The following GALNT18 variants were observed in gnomAD, a reference collection of about 807,000 sequenced individuals.
GALNT18 encodes GalNAc-transferase 18.
A neutral mutation model predicts 69.5 loss-of-function variants in GALNT18; 44 were observed. The ratio of observed to expected loss-of-function variants is 0.63; its 90% CI spans 0.50 to 0.81. The LOEUF is 0.81. Ranked by LOEUF, GALNT18 falls within the 40% of genes least tolerant of loss-of-function variation. GALNT18 has a pLI of 0.00. For synonymous variants in GALNT18, 364 were observed against 318.2 expected, an observed-to-expected ratio of 1.14 and a Z score of -1.53; for missense variants, 715 against 810.0, an observed-to-expected ratio of 0.88 and a Z score of 1.42.
intron 6 of GALNT18, among the ~76,000 whole-genome samples, chr11:11,362,723 T>C (rs559374052): frequency 1.3e-5 from 2 of 152,178 alleles, no homozygotes; most frequent in Non-Finnish European, 2.9e-5. Context: ...ACCTTCATCA[T>C]TCCTGGTGGG....
At chr11:11,547,594 C>G (rs537614188) in intron 1 of GALNT18, among the ~76,000 whole-genome samples, 3 of 152,164 alleles carry the variant, frequency 2.0e-5, no homozygotes, top group African/African-American at 7.2e-5. Context: ...AGAAAGACAA[C>G]GAGAGTTAAG....
At position 11,563,590 on chromosome 11, in the gene GALNT18, T is replaced by C. The variant is rs1227231672; in HGVS notation, c.235+57769A>G. Among the ~76,000 whole-genome samples the C allele has an allele frequency of 6.6e-6, 1 of 152,198 alleles. No individual in the cohort carries two copies. The highest frequency in any genetic ancestry group is 1.5e-5 in the Non-Finnish European group (1 of 68,046). Reference sequence around the variant, plus strand: ...CTGTATCATCTCATCTGACTATCACTCCATCCTCATGTCACAAGTGAGGAA... The same window carrying C: ...CTGTATCATCTCATCTGACTATCACCCCATCCTCATGTCACAAGTGAGGAA... On this transcript the variant is annotated intron_variant, in intron 1 of 10. Coordinates refer to ENST00000227756, the MANE Select transcript of GALNT18 (RefSeq NM_198516.3). The surrounding 1 kb of genome is among the most constrained non-coding windows in gnomAD (Gnocchi z 4.6).
intron 5 of GALNT18, among the ~76,000 whole-genome samples, chr11:11,373,040 G>T (rs763237231): frequency 6.6e-6 from 1 of 152,142 alleles, no homozygotes; most frequent in Non-Finnish European, 1.5e-5. Context: ...GTCATCCTTG[G>T]TCTACTTAGA....
intron 1 of GALNT18, among the ~76,000 whole-genome samples, chr11:11,501,049 C>G (rs1189734421): frequency 6.6e-6 from 1 of 152,212 alleles, no homozygotes; most frequent in Non-Finnish European, 1.5e-5. Flanking sequence ...TGGGCAGCAC[C>G]TCTGAGACGC....
rs1424360223 is a variant in GALNT18, at chr11:11,543,644, C to T, written c.235+77715G>A. ...TTCAGTGCCCAGCACATCAGAGCCT[C>T]TGTTCCTCCCCTCGCCACCCACTGA... On this transcript the variant is annotated intron_variant, in intron 1 of 10. Coordinates refer to ENST00000227756, the MANE Select transcript of GALNT18 (RefSeq NM_198516.3). This position sits in a 1 kb window ranked among gnomAD's most constrained non-coding sequence, Gnocchi z 5.1. 2.0e-5 allele frequency among the ~76,000 whole-genome samples: 3 copies of T among 152,242 alleles called. No homozygotes were observed. The highest frequency in any genetic ancestry group is 7.2e-5 in the African/African-American group (3 of 41,462).
chr11:11,352,947 T>A (rs762611928), intron 6 of GALNT18: 1 of 1,614,224 alleles, frequency 6.2e-7, no homozygotes, highest in Non-Finnish European at 8.5e-7. Flanking sequence ...ATTTGTGATG[T>A]TGATGGCTTC....
chr11:11,337,671 A>T lies in GALNT18; in HGVS notation c.1278+3148T>A, dbSNP rs1850136076. 6.6e-6 allele frequency among the ~76,000 whole-genome samples: 1 copy of T among 152,074 alleles called. No individual in the cohort carries two copies. Among genetic ancestry groups the T allele is most frequent in the Admixed American group, 6.6e-5 (1 of 15,262 alleles). Reference sequence around the variant, plus strand: ...GGAGCTGAGTCTCAAAGGATGGGGAAGATTTAGTAGGGGTGGTCATACAGG... The same window carrying T: ...GGAGCTGAGTCTCAAAGGATGGGGATGATTTAGTAGGGGTGGTCATACAGG... On this transcript the variant is annotated intron_variant, in intron 7 of 10. Transcript: ENST00000227756. This position sits in a 1 kb window ranked among gnomAD's most constrained non-coding sequence, Gnocchi z 4.9.
In GALNT18 at chr11:11,358,574, G is replaced by C. The variant is rs191530045; in HGVS notation, c.1092+13941C>G. Among the ~76,000 whole-genome samples the C allele has an allele frequency of 6.4e-5, 9 of 140,254 alleles. 4 individuals carry two copies. The highest frequency in any genetic ancestry group is 3.5e-4 in the Admixed American group (5 of 14,088). 92.0% of individuals were successfully genotyped at this position (140,254 alleles called of 152,430 possible). On this transcript the variant is annotated intron_variant, in intron 6 of 10. Coordinates refer to ENST00000227756, the MANE Select transcript of GALNT18 (RefSeq NM_198516.3). ...AAGGGAACAGATGGACAATGACTCA[G>C]CTAAGGCTTTGGGTCATTGGGAAAA...
intron 1 of GALNT18, among the ~76,000 whole-genome samples, chr11:11,481,373 G>C (rs747503431): frequency 7.2e-5 from 11 of 152,154 alleles, no homozygotes; most frequent in Non-Finnish European, 1.5e-4. Flanking sequence ...TTGAGCTCAA[G>C]AAGGAGATGA....
intron 1 of GALNT18, among the ~76,000 whole-genome samples, chr11:11,478,058 T>C (rs1486377719): frequency 6.6e-6 from 1 of 152,210 alleles, no homozygotes; most frequent in Non-Finnish European, 1.5e-5. Context: ...GCAAAACAAA[T>C]CTATATTTGG....
chr11:11,346,236 A>G (rs1254833699), intron 6 of GALNT18, among the ~76,000 whole-genome samples: 3 of 152,198 alleles, frequency 2.0e-5, no homozygotes, highest in African/African-American at 7.2e-5. Context: ...AGTGCCATGG[A>G]AACAGGATCG....
At chr11:11,342,901 A>AT (rs746486602) in intron 6 of GALNT18, among the ~76,000 whole-genome samples, 3 of 152,216 alleles carry the variant, frequency 2.0e-5, no homozygotes, top group Non-Finnish European at 4.4e-5. Context: ...AAATTAAAGC[A>AT]ATTACATGCA....
At chr11:11,398,699 T>G (rs17437465) in intron 3 of GALNT18, among the ~76,000 whole-genome samples, 16,921 of 152,234 alleles carry the variant, frequency 0.11, 1,079 homozygotes, top group Non-Finnish European at 0.13. Flanking sequence ...TAGGAAGTTT[T>G]GATATGGAGA....
At chr11:11,276,949 C>A (rs1037772184) in intron 10 of GALNT18, among the ~76,000 whole-genome samples, 18 of 152,136 alleles carry the variant, frequency 1.2e-4, no homozygotes, top group Non-Finnish European at 2.1e-4. Flanking sequence ...TGATGTTCAT[C>A]AGGGATATTG....
intron 2 of GALNT18, among the ~76,000 whole-genome samples, chr11:11,438,745 C>G (rs991038008): frequency 6.6e-6 from 1 of 152,072 alleles, no homozygotes; most frequent in African/African-American, 2.4e-5. Context: ...GAGCGAGGGG[C>G]GAAATGAAGG....
intron 2 of GALNT18, among the ~76,000 whole-genome samples, chr11:11,434,802 G>A (rs752483600): frequency 2.0e-5 from 3 of 152,088 alleles, no homozygotes; most frequent in Admixed American, 1.3e-4. Flanking sequence ...AAGCTCATCG[G>A]ATCTTTTTCA....
rs949693774 is a variant in GALNT18, at chr11:11,595,311, C to G, written c.235+26048G>C. On this transcript the variant is annotated intron_variant, in intron 1 of 10. Transcript: ENST00000227756. The surrounding 1 kb of genome is among the most constrained non-coding windows in gnomAD (Gnocchi z 5.2). ...CTTTTTATAAAGAGGGCTCAGGGAG[C>G]TAGTTAGCCCCTTTTACCATGTGAG... is the stretch of plus-strand genomic sequence containing the variant. 2.0e-5 allele frequency among the ~76,000 whole-genome samples: 3 copies of G among 152,078 alleles called. No homozygotes were observed. The highest frequency in any genetic ancestry group is 7.2e-5 in the African/African-American group (3 of 41,402).
intron 1 of GALNT18, among the ~76,000 whole-genome samples, chr11:11,570,505 C>T (rs1029094731): frequency 2.0e-5 from 3 of 152,236 alleles, no homozygotes; most frequent in Admixed American, 2.0e-4. Context: ...CCATAACATA[C>T]TTTCTTTTCC....
chr11:11,408,058 C>T (rs1356983112), intron 3 of GALNT18, among the ~76,000 whole-genome samples: 2 of 152,170 alleles, frequency 1.3e-5, no homozygotes, highest in Non-Finnish European at 2.9e-5. Flanking sequence ...AATCAGAAAA[C>T]CATACATTAA....
Sources: allele counts gnomAD v4.1 joint callset (sites outside exome capture counted in the v4.1 genomes callset), GRCh38; gene constraint gnomAD v4.1.1; non-coding constraint Gnocchi (gnomAD v3.1); transcripts MANE v1.5; gene names NCBI Gene and HGNC (gene_info 2026-07-23, HGNC 2026-07-21).